ST8SIA5: variants seen among roughly 807,000 people sequenced by gnomAD.
ST8SIA5 encodes the protein alpha-2,8-sialyltransferase 8E.
In ST8SIA5, 24 loss-of-function variants were observed where a neutral mutation model predicts 40.2. That is an observed-to-expected ratio of 0.60 (90% confidence interval 0.43 to 0.84). The LOEUF is 0.84. Ranked by LOEUF, ST8SIA5 falls within the 40% of genes least tolerant of loss-of-function variation. The pLI is 0.00. For missense variants in ST8SIA5, 465 were observed against 498.5 expected (o/e 0.93, Z 0.64); for synonymous variants, 198 against 201.8 (o/e 0.98, Z 0.16).
intron 1 of ST8SIA5, among the ~76,000 whole-genome samples, chr18:46,748,792 G>A (rs1031074915): frequency 5.3e-5 from 8 of 151,808 alleles, no homozygotes; most frequent in African/African-American, 1.9e-4. Context: ...ATACAATGCT[G>A]GAGAAAATGT....
chr18:46,718,713 C>G (rs1321786176), intron 1 of ST8SIA5, among the ~76,000 whole-genome samples: 1 of 152,082 alleles, frequency 6.6e-6, no homozygotes, highest in Non-Finnish European at 1.5e-5. Context: ...GACTTCCTTT[C>G]CAAACTGTTA....
At chr18:46,692,832 A>C (rs1383238461) in intron 2 of ST8SIA5, among the ~76,000 whole-genome samples, 1 of 151,132 alleles carries the variant, frequency 6.6e-6, no homozygotes, top group Non-Finnish European at 1.5e-5. Flanking sequence ...CACACCCTCA[A>C]CCACCTCCTC....
In ST8SIA5 at chr18:46,671,076, G is replaced by A. The variant is rs192246211; in HGVS notation, c.*8966C>T. ...AGTTACCTGGGGGCTGAGTGAATTT[G>A]CTGGGTTCGATCCTAGGAAGTGAGT... On this transcript the variant is annotated 3_prime_UTR_variant, in exon 7 of 7. Coordinates refer to ENST00000315087, the MANE Select transcript of ST8SIA5 (RefSeq NM_013305.6). 1.3e-5 allele frequency: 2 copies of A among 152,286 alleles called. No homozygotes were observed. Among genetic ancestry groups the A allele is most frequent in the African/African-American group, 4.8e-5 (2 of 41,558 alleles). The allele number at this position is 152,286 out of a possible 1,614,324, so 9.4% of individuals were successfully genotyped here.
chr18:46,694,131 C>G (rs561040938), intron 2 of ST8SIA5, among the ~76,000 whole-genome samples: 15 of 152,202 alleles, frequency 9.9e-5, no homozygotes, highest in Non-Finnish European at 1.9e-4. Flanking sequence ...AGGCCAGCAC[C>G]CACTCCTTCT....
At chr18:46,719,199 T>G (rs182220215) in intron 1 of ST8SIA5, among the ~76,000 whole-genome samples, 196 of 152,336 alleles carry the variant, frequency 1.3e-3, no homozygotes, top group Non-Finnish European at 1.0e-3. Context: ...TCAACTCAGC[T>G]GCTAACAATG....
chr18:46,756,627 G>GAA lies in ST8SIA5; in HGVS notation c.-120_-119insTT. 8.0e-7 allele frequency: 1 copy of GAA among 1,247,498 alleles called. No individual in the cohort carries two copies. Among genetic ancestry groups the GAA allele is most frequent in the Non-Finnish European group, 1.1e-6 (1 of 922,202 alleles). 77.3% of individuals were successfully genotyped at this position (1,247,498 alleles called of 1,614,324 possible). A position where few individuals can be genotyped will look rare whatever the true frequency, so the allele number is the denominator to read the frequency against. On this transcript the variant is annotated 5_prime_UTR_variant, in exon 1 of 7. The change abolishes the stop of an existing upstream ORF in the 5' untranslated region. Transcript: ENST00000315087. ...CGCCTCACGGTGCGGTCAGGCAGGC[G>GAA]GGGGACTTCGAGGGGCAAAGTTTCT...
intron 1 of ST8SIA5, among the ~76,000 whole-genome samples, chr18:46,719,387 A>T (rs1231910931): frequency 6.6e-6 from 1 of 152,172 alleles, no homozygotes. Context: ...GACGTGGAGG[A>T]GAGAGGGAGG....
intron 1 of ST8SIA5, among the ~76,000 whole-genome samples, chr18:46,738,698 G>C (rs938710835): frequency 5.3e-5 from 8 of 151,996 alleles, no homozygotes; most frequent in Non-Finnish European, 1.0e-4. Context: ...CCACACTCTG[G>C]ATAGATCCTC....
At chr18:46,682,765 T>C (rs953018181) in intron 5 of ST8SIA5, among the ~76,000 whole-genome samples, 5 of 152,188 alleles carry the variant, frequency 3.3e-5, no homozygotes, top group African/African-American at 1.2e-4. Context: ...TAAGAGACGA[T>C]GTGACAACCA....
chr18:46,690,669 A>G (rs2039495934), intron 3 of ST8SIA5, among the ~76,000 whole-genome samples: 2 of 134,390 alleles, frequency 1.5e-5, no homozygotes, highest in African/African-American at 5.7e-5. Flanking sequence ...GCTGGAGTGC[A>G]TTGGCATGAT....
intron 1 of ST8SIA5, among the ~76,000 whole-genome samples, chr18:46,719,534 G>T (rs975010221): frequency 1.3e-5 from 2 of 152,174 alleles, no homozygotes; most frequent in African/African-American, 4.8e-5. Context: ...AAAGATACTG[G>T]CAGCAGGAAA....
intron 2 of ST8SIA5, among the ~76,000 whole-genome samples, chr18:46,698,646 AC>A (rs1357288775): frequency 1.2e-4 from 19 of 152,356 alleles, no homozygotes; most frequent in Non-Finnish European, 2.8e-4. Flanking sequence ...CCCACCTGTC[AC>A]TTCTTGGTAT....
At chr18:46,726,748 C>G (rs1263909436) in intron 1 of ST8SIA5, among the ~76,000 whole-genome samples, 2 of 151,958 alleles carry the variant, frequency 1.3e-5, no homozygotes, top group African/African-American at 4.8e-5. Flanking sequence ...GGATCCCCAT[C>G]TCTACTAAAA....
At chr18:46,681,822 G>T in intron 6 of ST8SIA5, 150 bp downstream of exon 6, 1 of 675,122 alleles carries the variant, frequency 1.5e-6, no homozygotes, top group Non-Finnish European at 2.5e-6. Flanking sequence ...ATGTTATCCT[G>T]TTTTTGTATT....
intron 1 of ST8SIA5, among the ~76,000 whole-genome samples, chr18:46,705,311 C>T (rs182133456): frequency 6.6e-6 from 1 of 152,264 alleles, no homozygotes; most frequent in Admixed American, 6.5e-5. Flanking sequence ...CATGTCACAG[C>T]CACCTCAGGG....
At chr18:46,693,135 G>C (rs938629167) in intron 2 of ST8SIA5, among the ~76,000 whole-genome samples, 4 of 151,620 alleles carry the variant, frequency 2.6e-5, no homozygotes, top group Admixed American at 6.6e-5. Context: ...ACTTCATGAT[G>C]GTCATTTTCA....
Position 46,756,718 on chromosome 18 carries a change from G to A in ST8SIA5, c.-210C>T. On this transcript the variant is annotated 5_prime_UTR_variant, in exon 1 of 7. Coordinates refer to ENST00000315087, the MANE Select transcript of ST8SIA5 (RefSeq NM_013305.6). ...GCGCTGGGGCGGCAAGCAGGACAGGGCCGGTGGCAGGGAGCTCTGCCGCGG... is the reference window on the plus strand; with the variant it reads ...GCGCTGGGGCGGCAAGCAGGACAGGACCGGTGGCAGGGAGCTCTGCCGCGG... The A allele has an allele frequency of 3.7e-6, 2 of 544,758 alleles. No individual in the cohort carries two copies. Among genetic ancestry groups the A allele is most frequent in the South Asian group, 5.3e-5 (2 of 38,094 alleles). 33.7% of individuals were successfully genotyped at this position (544,758 alleles called of 1,614,324 possible). A position where few individuals can be genotyped will look rare whatever the true frequency, so the allele number is the denominator to read the frequency against.
At chr18:46,716,759 G>A (rs1467291983) in intron 1 of ST8SIA5, among the ~76,000 whole-genome samples, 1 of 152,270 alleles carries the variant, frequency 6.6e-6, no homozygotes, top group Non-Finnish European at 1.5e-5. Context: ...GAAGGATTAT[G>A]TGCACTCGCC....
rs574480467 is a variant in ST8SIA5 at position 46,727,013 on chromosome 18, G to A, written c.132-22349C>T. Among the ~76,000 whole-genome samples, 7 of 152,342 alleles carry A rather than the reference G, an allele frequency of 4.6e-5. No homozygotes were observed. The South Asian group carries it at 1.2e-3, about 27-fold the overall frequency. ...TTAGAGTAGCCAAGGGCAGCTTCCT[G>A]GACTCAGTCAGCCTTGCAGAATCTT... On this transcript the variant is annotated intron_variant, in intron 1 of 6. Transcript: ENST00000315087.
Sources: gnomAD v4.1 joint callset for allele counts (sites outside exome capture counted in the v4.1 genomes callset) on GRCh38, gnomAD v4.1.1 for gene constraint, MANE v1.5 for transcripts, NCBI Gene and HGNC (gene_info 2026-07-23, HGNC 2026-07-21) for gene names.